The following ACSS1 variants were observed in gnomAD, a reference collection of about 807,000 sequenced individuals.
The protein encoded by ACSS1 is acyl-CoA synthetase short chain family member 1.
A neutral mutation model predicts 75.3 loss-of-function variants in ACSS1; 42 were observed. That is an observed-to-expected ratio of 0.56 (90% CI 0.44 to 0.72). The LOEUF (loss-of-function observed/expected upper bound fraction) is 0.72, where lower values mean the gene tolerates loss of function less well. ACSS1 is among the 30% of genes least tolerant of loss of function. The pLI, the probability that ACSS1 is intolerant of heterozygous loss-of-function variation, is 0.00. For missense variants in ACSS1, 782 were observed against 935.7 expected (o/e 0.84, Z 2.14); for synonymous variants, 380 against 376.8 (o/e 1.01, Z -0.10).
chr20:25,007,206 C>T lies in ACSS1; in HGVS notation c.*556G>A. On this transcript the variant is annotated 3_prime_UTR_variant, in exon 14 of 14. Transcript: ENST00000323482. ...CTAACAATAATTAAAAATGTGGCCT[C>T]TGATCCTCATGTTTCCTCACCAGTA... 1 of 1,220,040 alleles carries T rather than the reference C, an allele frequency of 8.2e-7. No individual in the cohort carries two copies. Among genetic ancestry groups the T allele is most frequent in the East Asian group, 3.8e-5 (1 of 26,316 alleles). The allele number at this position is 1,220,040 out of a possible 1,614,324, so 75.6% of individuals were successfully genotyped here. A position where few individuals can be genotyped will look rare whatever the true frequency, so the allele number is the denominator to read the frequency against.
Position 25,023,075 on chromosome 20 carries a change from G to A in ACSS1, c.825C>T (p.Asp275=). The part of the protein sequence containing the change: ...VPLEQEMAKE[D]PVCAPESMGS... ...CCATGCTCTCTGGGGCGCAAACAGGGTCCTCCTTGGCCATTTCCTGGCAGG... is the reference window on the plus strand; with the variant it reads ...CCATGCTCTCTGGGGCGCAAACAGGATCCTCCTTGGCCATTTCCTGGCAGG... The change falls in exon 5 of 14, where the codon GAC becomes GAT. Residue 275 remains aspartate (D), a synonymous_variant. Transcript: ENST00000323482. The A allele has an allele frequency of 6.2e-7, 1 of 1,613,032 alleles. No homozygotes were observed. Among genetic ancestry groups the A allele is most frequent in the Non-Finnish European group, 8.5e-7 (1 of 1,179,518 alleles).
At chr20:25,051,820 T>C (rs1256657299) in intron 1 of ACSS1, among the ~76,000 whole-genome samples, 7 of 152,150 alleles carry the variant, frequency 4.6e-5, no homozygotes, top group African/African-American at 1.4e-4. Flanking sequence ...CCACAGACAA[T>C]GCACATATCA....
At chr20:25,016,296 G>T (rs1488534634) in intron 7 of ACSS1, among the ~76,000 whole-genome samples, 6 of 152,194 alleles carry the variant, frequency 3.9e-5, no homozygotes, top group Non-Finnish European at 1.5e-5. Flanking sequence ...CCATAAGGGG[G>T]CCTCTGGGGA....
chr20:25,053,230 ATTTTT>A (rs376414199), intron 1 of ACSS1, among the ~76,000 whole-genome samples: 1 of 133,434 alleles, frequency 7.5e-6, no homozygotes, highest in Admixed American at 7.5e-5. Flanking sequence ...CGCTCGGCTA[ATTTTT>A]TTTTTTTTTT....
At chr20:25,043,562 ACT>A (rs2089038849) in intron 2 of ACSS1, among the ~76,000 whole-genome samples, 1 of 152,082 alleles carries the variant, frequency 6.6e-6, no homozygotes, top group African/African-American at 2.4e-5. Flanking sequence ...GCTTCCTGGG[ACT>A]CTGAGGTAGG....
intron 2 of ACSS1, among the ~76,000 whole-genome samples, chr20:25,037,370 C>T (rs778721164): frequency 2.0e-5 from 3 of 152,316 alleles, no homozygotes; most frequent in South Asian, 4.2e-4. Context: ...CCTTGCATCA[C>T]GCTGGCATGA....
At position 25,023,508 on chromosome 20, in the gene ACSS1, G is replaced by A. The variant is rs754046822; in HGVS notation, c.765C>T (p.Asp255=). 2 of 1,614,120 alleles carry A rather than the reference G, an allele frequency of 1.2e-6. No individual in the cohort carries two copies. Among genetic ancestry groups the A allele is most frequent in the Non-Finnish European group, 1.7e-6 (2 of 1,180,032 alleles). The part of the protein sequence containing the change: ...VQHVLVAHRT[D]NKVHMGDLDV... ...CCAGATCCCCCATGTGGACCTTGTT[G>A]TCTGTCCTGTGAGCCACCAGGACAT... is the stretch of plus-strand genomic sequence containing the variant. Residue 255 remains aspartate (D), a synonymous_variant, in exon 4 of 14, where the codon GAC becomes GAT. Transcript: ENST00000323482.
intron 5 of ACSS1, among the ~76,000 whole-genome samples, chr20:25,022,357 T>G (rs1408810272): frequency 6.6e-6 from 1 of 150,532 alleles, no homozygotes; most frequent in Non-Finnish European, 1.5e-5. Context: ...TGAGACTCCA[T>G]GAAAAAACAA....
chr20:25,019,981 C>A, intron 7 of ACSS1, 29 bp downstream of exon 7: 1 of 1,613,854 alleles, frequency 6.2e-7, no homozygotes, highest in South Asian at 1.1e-5. Context: ...GCAAGCACAA[C>A]CTCTCCTGCT....
At position 25,006,605 on chromosome 20, in the gene ACSS1, C is replaced by T; in HGVS notation, c.*1157G>A. 2.0e-6 allele frequency: 1 copy of T among 497,084 alleles called. No individual in the cohort carries two copies. Among genetic ancestry groups the T allele is most frequent in the Non-Finnish European group, 3.6e-6 (1 of 277,412 alleles). 30.8% of individuals were successfully genotyped at this position (497,084 alleles called of 1,614,324 possible). Reference sequence around the variant, plus strand: ...GGGCAAAGAGGACAAACTCTCCCTCCCCTAAGGGACCCGGCTCACTGGGCC... The same window carrying T: ...GGGCAAAGAGGACAAACTCTCCCTCTCCTAAGGGACCCGGCTCACTGGGCC... On this transcript the variant is annotated 3_prime_UTR_variant, in exon 14 of 14. Coordinates refer to ENST00000323482, the MANE Select transcript of ACSS1 (RefSeq NM_032501.4).
At chr20:25,031,219 GT>G (rs998652493) in intron 2 of ACSS1, 181 of 540,540 alleles carry the variant, frequency 3.3e-4, no homozygotes, top group African/African-American at 3.1e-3. Flanking sequence ...TTACGGCAGG[GT>G]TTTTTTAGGG....
chr20:25,020,137 C>G lies in ACSS1; in HGVS notation c.1119G>C (p.Trp373Cys), dbSNP rs927570237. 1 of 1,614,198 alleles carries G rather than the reference C, an allele frequency of 6.2e-7. No homozygotes were observed. Among genetic ancestry groups the G allele is most frequent in the Non-Finnish European group, 8.5e-7 (1 of 1,180,002 alleles). Residue 373 changes from tryptophan to cysteine, a missense_variant, in exon 7 of 14, where the codon TGG becomes TGC. By Grantham distance (215) the Trp-to-Cys change is radical. Transcript: ENST00000323482. Reference sequence around the variant, plus strand: ...TGATCTTCAACCTCTCTACTGTCTCCCAGTACCGACCTACAGAAAGGCCGA... The same window carrying G: ...TGATCTTCAACCTCTCTACTGTCTCGCAGTACCGACCTACAGAAAGGCCGA... Reference protein sequence around the residue: ...TPVYPNAGRYWETVERLKINQ... With the variant: ...TPVYPNAGRYCETVERLKINQ...
chr20:25,019,980 A>G (rs2088589845), intron 7 of ACSS1, 30 bp downstream of exon 7: 1 of 1,613,726 alleles, frequency 6.2e-7, no homozygotes, highest in Non-Finnish European at 8.5e-7. Flanking sequence ...GGCAAGCACA[A>G]CCTCTCCTGC....
chr20:25,039,652 G>A lies in ACSS1; in HGVS notation c.431+8433C>T, dbSNP rs560604384. On this transcript the variant is annotated intron_variant, in intron 2 of 13. Transcript: ENST00000323482. Reference sequence around the variant, plus strand: ...CCAGGGCATGCCTCCCCAGGCACAGGCAGGTCAAATCCCACATCCTTAGTT... The same window carrying A: ...CCAGGGCATGCCTCCCCAGGCACAGACAGGTCAAATCCCACATCCTTAGTT... 9.2e-5 allele frequency among the ~76,000 whole-genome samples: 14 copies of A among 152,314 alleles called. No individual in the cohort carries two copies. In the South Asian group the frequency reaches 2.7e-3, roughly 29 times the overall value.
At chr20:25,055,692 G>A (rs1029739862) in intron 1 of ACSS1, among the ~76,000 whole-genome samples, 1 of 152,226 alleles carries the variant, frequency 6.6e-6, no homozygotes, top group Non-Finnish European at 1.5e-5. Context: ...GATGCTGCAG[G>A]TCTGAAGACC....
intron 3 of ACSS1, among the ~76,000 whole-genome samples, chr20:25,030,203 T>C (rs2088798044): frequency 6.6e-6 from 1 of 152,138 alleles, no homozygotes; most frequent in South Asian, 2.1e-4. Flanking sequence ...GGTGCAGAGA[T>C]CAGACTGCAT....
At position 25,013,627 on chromosome 20, in the gene ACSS1, G is replaced by C; in HGVS notation, c.1488C>G (p.Ala496=). 6 of 1,607,716 alleles carry C rather than the reference G, an allele frequency of 3.7e-6. No homozygotes were observed. The highest frequency in any genetic ancestry group is 5.1e-6 in the Non-Finnish European group (6 of 1,176,930). ...SVVEGSNVSG[A]LCISQAWPGM... ...CCGGCCAGGCCTGGGAGATGCACAG[G>C]GCCCCGGAGACGTTGCTGCCCTCCA... Residue 496 remains alanine, a synonymous_variant, in exon 10 of 14, where the codon GCC becomes GCG. Coordinates refer to ENST00000323482, the MANE Select transcript of ACSS1 (RefSeq NM_032501.4).
chr20:25,019,572 G>A (rs369178375), intron 7 of ACSS1, among the ~76,000 whole-genome samples: 8 of 152,130 alleles, frequency 5.3e-5, no homozygotes, highest in East Asian at 3.9e-4. Flanking sequence ...AGGCTGGAGC[G>A]CAGTGGTGCA....
In ACSS1 at chr20:25,022,912, G is replaced by A. The variant is rs761355655; in HGVS notation, c.960+28C>T. On this transcript the variant is annotated intron_variant, in intron 5 of 13. Transcript: ENST00000323482. Reference sequence around the variant, plus strand: ...GCCCCTGCCTGGATCCCTGCCAAGGGCCCAGCACCGCCCGCACAGGCCTGT... The same window carrying A: ...GCCCCTGCCTGGATCCCTGCCAAGGACCCAGCACCGCCCGCACAGGCCTGT... 1.3e-5 allele frequency: 20 copies of A among 1,581,348 alleles called. No homozygotes were observed. In the East Asian group the frequency reaches 3.8e-4, roughly 30 times the overall value.
Sources: gnomAD v4.1 joint callset for allele counts (sites outside exome capture counted in the v4.1 genomes callset) on GRCh38, gnomAD v4.1.1 for gene constraint, MANE v1.5 for transcripts, NCBI Gene and HGNC (gene_info 2026-07-23, HGNC 2026-07-21) for gene names.